AKT3: variants seen among roughly 807,000 people sequenced by gnomAD.
AKT3 encodes RAC-gamma serine/threonine-protein kinase.
AKT3 carries 15 observed loss-of-function variants against 65.3 expected under a neutral mutation model. The ratio of observed to expected loss-of-function variants is 0.23; its 90% confidence interval spans 0.15 to 0.35. The LOEUF is 0.35. Ranked by LOEUF, AKT3 falls within the 10% of genes least tolerant of loss-of-function variation. AKT3 has a pLI of 1.00. For missense variants in AKT3, 243 were observed against 576.5 expected, an observed-to-expected ratio of 0.42 and a Z score of 5.92; for synonymous variants, 206 against 183.8, an observed-to-expected ratio of 1.12 and a Z score of -0.98.
At chr1:243,646,762 C>G (rs1680850346) in intron 4 of AKT3, among the ~76,000 whole-genome samples, 1 of 151,958 alleles carries the variant, frequency 6.6e-6, no homozygotes, top group South Asian at 2.1e-4. Flanking sequence ...TCTATGAGGT[C>G]CAACAGACAT....
chr1:243,603,730 T>C (rs1677186279), intron 8 of AKT3, among the ~76,000 whole-genome samples: 1 of 152,142 alleles, frequency 6.6e-6, no homozygotes, highest in Non-Finnish European at 1.5e-5. Flanking sequence ...TTCTTCTCCC[T>C]GTGTTTTCTA....
chr1:243,653,521 A>G (rs1020113930), intron 4 of AKT3, among the ~76,000 whole-genome samples: 3 of 152,214 alleles, frequency 2.0e-5, no homozygotes, highest in East Asian at 1.9e-4. Context: ...CCTGATAAGA[A>G]TATGTTCCAT....
intron 2 of AKT3, among the ~76,000 whole-genome samples, chr1:243,706,916 G>A (rs937148299): frequency 4.6e-5 from 7 of 152,068 alleles, no homozygotes; most frequent in South Asian, 4.1e-4. Context: ...GGTTGGGAGC[G>A]CACACTCTCA....
intron 12 of AKT3, among the ~76,000 whole-genome samples, chr1:243,542,307 A>G (rs1672375343): frequency 1.3e-5 from 2 of 152,230 alleles, no homozygotes; most frequent in Admixed American, 1.3e-4. Flanking sequence ...CCATTTCCAC[A>G]AAGAAAGCAA....
chr1:243,701,423 G>GAA (rs1015793197), intron 2 of AKT3, among the ~76,000 whole-genome samples: 48 of 152,196 alleles, frequency 3.2e-4, no homozygotes, highest in African/African-American at 1.1e-3. Flanking sequence ...GAATACTGCA[G>GAA]AAATACTCAT....
intron 8 of AKT3, among the ~76,000 whole-genome samples, chr1:243,612,122 T>TA (rs1677915729): frequency 1.3e-5 from 2 of 151,970 alleles, no homozygotes; most frequent in African/African-American, 2.4e-5. Flanking sequence ...TTTTTTTTTT[T>TA]ATTTGAGACC....
chr1:243,527,834 C>G (rs1490410333), intron 12 of AKT3, among the ~76,000 whole-genome samples: 1 of 149,844 alleles, frequency 6.7e-6, no homozygotes, highest in Non-Finnish European at 1.5e-5. Flanking sequence ...CCACTGCACT[C>G]CAACCTGGGC....
At chr1:243,810,664 T>C (rs1245066239) in intron 2 of AKT3, among the ~76,000 whole-genome samples, 3 of 152,184 alleles carry the variant, frequency 2.0e-5, no homozygotes, top group South Asian at 2.1e-4. Flanking sequence ...GAATCCTCCC[T>C]AACTCATTTT....
rs369591883 is a variant in AKT3, at chr1:243,489,126, C to A, written c.*7-676G>T. The A allele has an allele frequency of 3.7e-6, 6 of 1,612,416 alleles. No homozygotes were observed. The East Asian group carries it at 6.7e-5, about 18-fold the overall frequency. On this transcript the variant is annotated intron_variant, in intron 13 of 13. Coordinates refer to the AKT3 transcript ENST00000336199. ...GCAGAGCCTGTCGGAAGAGGTGGAC[C>A]GGCTGCGGACCCAGGTACTGTGCAG...
At chr1:243,787,417 G>T (rs181943296) in intron 2 of AKT3, among the ~76,000 whole-genome samples, 1 of 152,066 alleles carries the variant, frequency 6.6e-6, no homozygotes, top group Non-Finnish European at 1.5e-5. Context: ...TTCAGTGACT[G>T]CCAGTTGAGG....
intron 5 of AKT3, among the ~76,000 whole-genome samples, chr1:243,645,470 T>G (rs1448631058): frequency 6.6e-6 from 1 of 152,182 alleles, no homozygotes; most frequent in Non-Finnish European, 1.5e-5. Flanking sequence ...CCTGCTGACT[T>G]TACTATGACT....
chr1:243,662,285 A>T (rs2147910768), intron 4 of AKT3, among the ~76,000 whole-genome samples: 1 of 152,098 alleles, frequency 6.6e-6, no homozygotes, highest in Non-Finnish European at 1.5e-5. Flanking sequence ...TATTCACAAT[A>T]GCAAAGACTT....
chr1:243,583,358 T>C (rs1574652441), intron 8 of AKT3, among the ~76,000 whole-genome samples: 1 of 150,048 alleles, frequency 6.7e-6, no homozygotes, highest in Non-Finnish European at 1.5e-5. Context: ...CCTACTAGCA[T>C]GAGTGAGATC....
chr1:243,631,062 T>C (rs1419527056), intron 6 of AKT3, among the ~76,000 whole-genome samples: 1 of 152,132 alleles, frequency 6.6e-6, no homozygotes, highest in African/African-American at 2.4e-5. Flanking sequence ...CACACTAACT[T>C]TGTGGTGTCC....
At chr1:243,641,117 G>C (rs1263434403) in intron 5 of AKT3, among the ~76,000 whole-genome samples, 1 of 151,988 alleles carries the variant, frequency 6.6e-6, no homozygotes, top group East Asian at 1.9e-4. Context: ...GAGGCTTCCT[G>C]CCCTCGAACA....
intron 2 of AKT3, among the ~76,000 whole-genome samples, chr1:243,783,365 T>G (rs1691033378): frequency 6.6e-6 from 1 of 152,194 alleles, no homozygotes; most frequent in Non-Finnish European, 1.5e-5. Context: ...CTTGAAGAAC[T>G]TCTGGGTTAG....
intron 8 of AKT3, among the ~76,000 whole-genome samples, chr1:243,583,195 T>TATATACACAC (rs759291565): frequency 1.2e-4 from 11 of 88,326 alleles, no homozygotes; most frequent in South Asian, 4.2e-4. Context: ...TATATATATA[T>TATATACACAC]ACACACACAC....
chr1:243,488,425 CTG>C (rs1186356401), exon 14 of AKT3: 2 of 160,424 alleles, frequency 1.2e-5, no homozygotes, highest in East Asian at 1.8e-4. Context: ...CCATGGGTGA[CTG>C]TGCTGCTGGC....
intron 11 of AKT3, among the ~76,000 whole-genome samples, chr1:243,549,978 T>C (rs1672934381): frequency 6.6e-6 from 1 of 152,368 alleles, no homozygotes. Context: ...CTCTAGTCAC[T>C]GAACTTCTCA....
Sources: allele counts gnomAD v4.1 joint callset (sites outside exome capture counted in the v4.1 genomes callset), GRCh38; gene constraint gnomAD v4.1.1; transcripts MANE v1.5; gene names NCBI Gene and HGNC (gene_info 2026-07-23, HGNC 2026-07-21).